The following DOC2A variants were observed in gnomAD, a reference collection of about 807,000 sequenced individuals.
DOC2A encodes the protein double C2 domain alpha, also known as double C2-like domain-containing protein alpha.
DOC2A carries 28 observed loss-of-function variants against 40.6 expected under a neutral mutation model. The observed-to-expected ratio is 0.69, with a 90% CI of 0.51 to 0.95. The LOEUF (loss-of-function observed/expected upper bound fraction) is 0.95. Ranked by LOEUF, DOC2A falls within the 40% of genes least tolerant of loss-of-function variation. DOC2A has a pLI of 0.00. For missense variants in DOC2A, 474 were observed against 552.5 expected, an observed-to-expected ratio of 0.86 and a Z score of 1.42; for synonymous variants, 241 against 236.9, an observed-to-expected ratio of 1.02 and a Z score of -0.16.
intron 1 of DOC2A, among the ~76,000 whole-genome samples, chr16:30,018,198 T>G (rs1487045311): frequency 6.7e-6 from 1 of 149,168 alleles, no homozygotes; most frequent in Non-Finnish European, 1.5e-5. Flanking sequence ...GAGGATTGCT[T>G]GAGCCTGGGA....
chr16:30,010,269 A>G lies in DOC2A; in HGVS notation c.-13-34T>C. The G allele has an allele frequency of 6.2e-7, 1 of 1,609,596 alleles. No homozygotes were observed. The highest frequency in any genetic ancestry group is 1.7e-5 in the Admixed American group (1 of 60,026). On this transcript the variant is annotated intron_variant, in intron 1 of 10. Coordinates refer to ENST00000350119, the MANE Select transcript of DOC2A (RefSeq NM_003586.3). The surrounding 1 kb of genome is among the most constrained non-coding windows in gnomAD (Gnocchi z 4.2). ...GGGCGTGTGAGCCAGTGAGCCCATC[A>G]TACCTAGCCATCCTGGCTGAGGGCC...
At chr16:30,015,789 C>T (rs2070848466), upstream of DOC2A, among the ~76,000 whole-genome samples, 1 of 145,552 alleles carries the variant, frequency 6.9e-6, no homozygotes, top group African/African-American at 2.5e-5. Flanking sequence ...CATCCTCGAA[C>T]TCTTGGGCTC....
intron 1 of DOC2A, among the ~76,000 whole-genome samples, chr16:30,018,003 G>A (rs1486230679): frequency 4.4e-5 from 6 of 136,502 alleles, no homozygotes; most frequent in Non-Finnish European, 9.4e-5. Flanking sequence ...TTGAGGCTGG[G>A]CGCTGTAATC....
At position 30,006,536 on chromosome 16, in the gene DOC2A, G is replaced by A. The variant is rs760294213; in HGVS notation, c.961-27C>T. 3.8e-5 allele frequency: 62 copies of A among 1,613,212 alleles called. 1 individual carries two copies. The Middle Eastern group carries it at 6.6e-4, about 17-fold the overall frequency. ...TAGGGACAAGGCCGGCCACCCGTTC[G>A]TGAGCCAGCTCCCCAGCCCCTCCCT... On this transcript the variant is annotated intron_variant, in intron 9 of 10. Transcript: ENST00000350119. This position sits in a 1 kb window ranked among gnomAD's most constrained non-coding sequence, Gnocchi z 6.2.
rs1276223924 is a variant in DOC2A, at chr16:30,011,011, G to C, written c.-122C>G. 4.0e-6 allele frequency: 4 copies of C among 989,686 alleles called. No individual in the cohort carries two copies. Among genetic ancestry groups the C allele is most frequent in the Non-Finnish European group, 4.8e-6 (4 of 831,894 alleles). 61.3% of individuals were successfully genotyped at this position (989,686 alleles called of 1,614,324 possible). A position where few individuals can be genotyped will look rare whatever the true frequency, so the allele number is the denominator to read the frequency against. On this transcript the variant is annotated 5_prime_UTR_variant, in exon 1 of 11. Transcript: ENST00000350119. ...CGAGCTGTGCGAGCCGAGAGGGAGGGAGCGCCGAGAAAGTGCGGGGAGGAG... is the reference window on the plus strand; with the variant it reads ...CGAGCTGTGCGAGCCGAGAGGGAGGCAGCGCCGAGAAAGTGCGGGGAGGAG...
chr16:30,011,298 G>A (rs1165655799), upstream of DOC2A: 1 of 979,390 alleles, frequency 1.0e-6, no homozygotes, highest in Non-Finnish European at 1.2e-6. Flanking sequence ...TCACACCCTT[G>A]CACACACCCA....
chr16:30,015,501 G>A (rs2070845638), upstream of DOC2A, among the ~76,000 whole-genome samples: 2 of 152,076 alleles, frequency 1.3e-5, no homozygotes, highest in South Asian at 4.1e-4. Flanking sequence ...TATTTTTGTA[G>A]AGATGGGTTT....
At chr16:30,019,828 G>A (rs796762082) in intron 1 of DOC2A, among the ~76,000 whole-genome samples, 6 of 152,168 alleles carry the variant, frequency 3.9e-5, no homozygotes, top group African/African-American at 7.2e-5. Context: ...TCCACCTACC[G>A]GGCTCAAGTG....
In DOC2A at chr16:30,010,153, C is replaced by CG; in HGVS notation, c.69dup (p.Gly24ArgfsTer11). The CG allele has an allele frequency of 6.2e-7, 1 of 1,613,942 alleles. No homozygotes were observed. Among genetic ancestry groups the CG allele is most frequent in the Non-Finnish European group, 8.5e-7 (1 of 1,179,944 alleles). On this transcript the variant is annotated frameshift_variant, in exon 2 of 11. Transcript: ENST00000350119. LOFTEE classifies it high-confidence loss of function. This position sits in a 1 kb window ranked among gnomAD's most constrained non-coding sequence, Gnocchi z 4.2. Reference sequence around the variant, plus strand: ...ATCTGGCGGATGGGCCGGATGGGCCCGGGGCACACGTTGATGGCCATGTGC... The same window carrying CG: ...ATCTGGCGGATGGGCCGGATGGGCCCGGGGGCACACGTTGATGGCCATGTGC...
chr16:30,023,180 G>A, upstream of DOC2A: 2 of 581,534 alleles, frequency 3.4e-6, no homozygotes, highest in Non-Finnish European at 6.1e-6. Flanking sequence ...ATTCCAGGGG[G>A]TGAAGACTGG....
upstream of DOC2A, among the ~76,000 whole-genome samples, chr16:30,016,053 ATATTT>A (rs1426236515): frequency 3.3e-4 from 6 of 18,188 alleles, no homozygotes; most frequent in Non-Finnish European, 4.9e-4. Flanking sequence ...ATATATATAT[ATATTT>A]TTTTTTTTTT....
chr16:30,005,556 C>T lies in DOC2A; in HGVS notation c.*630G>A, dbSNP rs1305271382. 2.9e-6 allele frequency: 3 copies of T among 1,026,560 alleles called. No individual in the cohort carries two copies. Among genetic ancestry groups the T allele is most frequent in the Admixed American group, 2.4e-5 (1 of 41,602 alleles). 63.6% of individuals were successfully genotyped at this position (1,026,560 alleles called of 1,614,324 possible). ...TTGATGCCCAGCTGCCATGCTCCGGCCACTGACACAACCAGAAAAGGCGTA... is the reference window on the plus strand; with the variant it reads ...TTGATGCCCAGCTGCCATGCTCCGGTCACTGACACAACCAGAAAAGGCGTA... On this transcript the variant is annotated 3_prime_UTR_variant, in exon 11 of 11. Coordinates refer to ENST00000350119, the MANE Select transcript of DOC2A (RefSeq NM_003586.3).
chr16:30,020,739 C>T (rs1026878522), intron 1 of DOC2A, among the ~76,000 whole-genome samples: 3 of 151,962 alleles, frequency 2.0e-5, no homozygotes, highest in Non-Finnish European at 2.9e-5. Flanking sequence ...CCTGGCTACT[C>T]GGGAGGCTGA....
At chr16:30,007,399 C>A in intron 5 of DOC2A, 100 bp from the exon 6 acceptor site, 1 of 1,537,382 alleles carries the variant, frequency 6.5e-7, no homozygotes, top group African/African-American at 1.4e-5. Flanking sequence ...CTAAACACTA[C>A]GTCTCATCTG....
At chr16:30,019,914 T>TC (rs2070893021) in intron 1 of DOC2A, among the ~76,000 whole-genome samples, 3 of 150,748 alleles carry the variant, frequency 2.0e-5, no homozygotes, top group Non-Finnish European at 3.0e-5. Flanking sequence ...TTTTTTTTTT[T>TC]CTTTTTCTTT....
At position 30,010,276 on chromosome 16, in the gene DOC2A, G is replaced by C; in HGVS notation, c.-13-41C>G. ...TGAGCCAGTGAGCCCATCATACCTA[G>C]CCATCCTGGCTGAGGGCCAGGCGAC... On this transcript the variant is annotated intron_variant, in intron 1 of 10. Coordinates refer to ENST00000350119, the MANE Select transcript of DOC2A (RefSeq NM_003586.3). The surrounding 1 kb of genome is among the most constrained non-coding windows in gnomAD (Gnocchi z 4.2). 6.2e-7 allele frequency: 1 copy of C among 1,608,326 alleles called. No individual in the cohort carries two copies.
upstream of DOC2A, chr16:30,011,488 G>C (rs1223207376): frequency 1.1e-6 from 1 of 882,408 alleles, no homozygotes; most frequent in Non-Finnish European, 1.3e-6. Context: ...CCTCCCTCCC[G>C]GGTCCCCAAG....
At chr16:30,014,835 CAGG>C (rs2070838974), upstream of DOC2A, 1 of 151,522 alleles carries the variant, frequency 6.6e-6, no homozygotes. Context: ...GAGGCTGAGG[CAGG>C]AGAATTGCTT....
chr16:30,009,037 G>GT lies in DOC2A; in HGVS notation c.485dup (p.Tyr162Ter). 6.2e-7 allele frequency: 1 copy of GT among 1,614,074 alleles called. No individual in the cohort carries two copies. Residue 162 changes from tyrosine (Y) to a stop codon, truncating the protein, a stop_gained and frameshift_variant, in exon 5 of 11, where the codon TAC (tyrosine) becomes TAAC (stop). Coordinates refer to ENST00000350119, the MANE Select transcript of DOC2A (RefSeq NM_003586.3). LOFTEE classifies it high-confidence loss of function. The surrounding 1 kb of genome is among the most constrained non-coding windows in gnomAD (Gnocchi z 4.1). ...TGATGTCGTCATCTGTGATCCCGCT[G>GT]TAAGTCAGGTCCTCATTCCACACGG... The part of the protein sequence containing the change: ...LNPVWNEDLT[Y>*]SGITDDDITH...
Sources: allele counts gnomAD v4.1 joint callset (sites outside exome capture counted in the v4.1 genomes callset), GRCh38; gene constraint gnomAD v4.1.1; non-coding constraint Gnocchi (gnomAD v3.1); transcripts MANE v1.5; gene names NCBI Gene and HGNC (gene_info 2026-07-23, HGNC 2026-07-21).